Variants in ST3GAL2 observed in about 807,000 individuals in gnomAD.
The protein encoded by ST3GAL2 is CMP-N-acetylneuraminate-beta-galactosamide-alpha-2,3-sialyltransferase 2.
ST3GAL2 carries 16 observed loss-of-function variants against 37.5 expected under a neutral mutation model. The observed-to-expected ratio is 0.43, with a 90% CI of 0.29 to 0.65. The LOEUF is 0.65. ST3GAL2 is among the 30% of genes least tolerant of loss of function. The pLI is 0.17. For synonymous variants in ST3GAL2, 238 were observed against 202.9 expected, an observed-to-expected ratio of 1.17 and a Z score of -1.47; for missense variants, 383 against 487.8, an observed-to-expected ratio of 0.79 and a Z score of 2.02.
intron 2 of ST3GAL2, among the ~76,000 whole-genome samples, chr16:70,397,912 C>G (rs1179291975): frequency 6.6e-6 from 1 of 152,208 alleles, no homozygotes; most frequent in Non-Finnish European, 1.5e-5. Context: ...GCAGGCCCCC[C>G]ATGGCTGTAC....
chr16:70,388,201 G>C (rs1485488066), intron 4 of ST3GAL2, among the ~76,000 whole-genome samples, 166 bp downstream of exon 4: 1 of 151,260 alleles, frequency 6.6e-6, no homozygotes, highest in African/African-American at 2.4e-5. Flanking sequence ...AGGTGACACA[G>C]AGCAAGCTGT....
chr16:70,428,494 T>C (rs2047766652), intron 1 of ST3GAL2, among the ~76,000 whole-genome samples: 1 of 152,200 alleles, frequency 6.6e-6, no homozygotes, highest in African/African-American at 2.4e-5. Context: ...AGCACAATTC[T>C]TTGTGACCAG....
At chr16:70,427,237 T>C (rs995115436) in intron 1 of ST3GAL2, among the ~76,000 whole-genome samples, 2 of 152,100 alleles carry the variant, frequency 1.3e-5, no homozygotes, top group Non-Finnish European at 2.9e-5. Context: ...CTTTAGACAG[T>C]ATACCTTAGT....
chr16:70,393,790 T>G (rs983697633), intron 3 of ST3GAL2: 2 of 152,142 alleles, frequency 1.3e-5, no homozygotes, highest in Non-Finnish European at 2.9e-5. Context: ...ATGAGGAAGG[T>G]CTTACATGGA....
rs570469855 is a variant in ST3GAL2 at position 70,409,886 on chromosome 16, C to G, written c.-1003-10353G>C. Among the ~76,000 whole-genome samples the G allele has an allele frequency of 7.9e-5, 12 of 151,208 alleles. No homozygotes were observed. The South Asian group carries it at 2.1e-3, about 26-fold the overall frequency. ...TGGACTTGAACTCTCAGACTCCTGC[C>G]TCAGCCTCCCAAGTAGCTGGGACTA... On this transcript the variant is annotated intron_variant, in intron 1 of 6. Coordinates refer to ENST00000342907, the MANE Select transcript of ST3GAL2 (RefSeq NM_006927.4).
chr16:70,403,027 T>C (rs2047566491), intron 1 of ST3GAL2, among the ~76,000 whole-genome samples: 2 of 152,240 alleles, frequency 1.3e-5, no homozygotes, highest in African/African-American at 4.8e-5. Flanking sequence ...ATGCATTTCG[T>C]AGTAAAATCT....
intron 3 of ST3GAL2, among the ~76,000 whole-genome samples, chr16:70,392,157 G>T (rs992346626): frequency 1.1e-4 from 16 of 152,324 alleles, no homozygotes; most frequent in African/African-American, 3.6e-4. Flanking sequence ...TTTCCCCATG[G>T]TTGGCCAGAT....
rs748494799 is a variant in ST3GAL2, at chr16:70,398,272, T to C, written c.259A>G (p.Ser87Gly). Reference sequence around the variant, plus strand: ...GGGGAAATGTTACCGTCAAAGTGGCTGTCAAACCAGTCGGAGGCACCGGCA... The same window carrying C: ...GGGGAAATGTTACCGTCAAAGTGGCCGTCAAACCAGTCGGAGGCACCGGCA... ...GDAGASDWFD[S>G]HFDGNISPVW... is the part of the protein sequence containing the mutation. The change falls in exon 2 of 7, where the codon AGC becomes GGC. Residue 87 changes from serine to glycine, a missense_variant. Coordinates refer to ENST00000342907, the MANE Select transcript of ST3GAL2 (RefSeq NM_006927.4). 3.1e-6 allele frequency: 5 copies of C among 1,613,362 alleles called. No individual in the cohort carries two copies. The highest frequency in any genetic ancestry group is 3.4e-6 in the Non-Finnish European group (4 of 1,180,034).
At chr16:70,415,505 A>G (rs1170706823) in intron 1 of ST3GAL2, among the ~76,000 whole-genome samples, 1 of 151,148 alleles carries the variant, frequency 6.6e-6, no homozygotes, top group African/African-American at 2.5e-5. Flanking sequence ...AAGTTAACGG[A>G]CAAACAACCC....
chr16:70,426,975 G>A (rs1163802549), intron 1 of ST3GAL2, among the ~76,000 whole-genome samples: 2 of 152,006 alleles, frequency 1.3e-5, no homozygotes, highest in African/African-American at 2.4e-5. Context: ...AGCCTCCCGA[G>A]TAGCCGGGAC....
rs1209536830 is a variant in ST3GAL2 at position 70,376,961 on chromosome 16, T to G, written c.*4728A>C. 1 of 151,142 alleles carries G rather than the reference T, an allele frequency of 6.6e-6. No individual in the cohort carries two copies. The highest frequency in any genetic ancestry group is 2.0e-4 in the East Asian group (1 of 5,010). 9.4% of individuals were successfully genotyped at this position (151,142 alleles called of 1,614,324 possible). On this transcript the variant is annotated 3_prime_UTR_variant, in exon 7 of 7. Coordinates refer to ENST00000342907, the MANE Select transcript of ST3GAL2 (RefSeq NM_006927.4). The stretch of plus-strand genomic sequence containing the variant: ...TTTCACCATCTTGGCCAGGCTGGTC[T>G]TGAACTCCTGACCTCGTGATTCACC...
chr16:70,416,285 C>T (rs1358353464), intron 1 of ST3GAL2, among the ~76,000 whole-genome samples: 1 of 152,174 alleles, frequency 6.6e-6, no homozygotes, highest in African/African-American at 2.4e-5. Context: ...TTCAGAGATG[C>T]CCAAACCAGG....
intron 1 of ST3GAL2, chr16:70,400,099 GGT>G (rs2151664684): frequency 6.5e-6 from 1 of 152,740 alleles, no homozygotes; most frequent in South Asian, 2.1e-4. Context: ...TGTGTCAGGA[GGT>G]GTGGTTGCTG....
At chr16:70,436,859 T>C (rs1181350351) in intron 1 of ST3GAL2, among the ~76,000 whole-genome samples, 1 of 152,034 alleles carries the variant, frequency 6.6e-6, no homozygotes, top group Non-Finnish European at 1.5e-5. Context: ...ATGGCCAAAA[T>C]AAGGCAGGAT....
rs2047533728 is a variant in ST3GAL2, at chr16:70,398,552, G to A, written c.-22C>T. On this transcript the variant is annotated 5_prime_UTR_variant, in exon 2 of 7. Transcript: ENST00000342907. ...TCATGGTGCCGGCAGGCGGGTGACG[G>A]TCACCGTGGCCACTCTTTTCCCAGC... 1.3e-6 allele frequency: 2 copies of A among 1,559,544 alleles called. No homozygotes were observed.
In ST3GAL2 at chr16:70,427,402, G is replaced by T. The variant is rs551518383; in HGVS notation, c.-1004+11547C>A. On this transcript the variant is annotated intron_variant, in intron 1 of 6. Transcript: ENST00000342907. ...CGCCCAGGCTGGAGTGCAGTGGTGC[G>T]ATCTCGGCTCACTGCAACCTCCACC... Among the ~76,000 whole-genome samples, 1,163 of 148,366 alleles carry T rather than the reference G, an allele frequency of 7.8e-3. 7 individuals carry two copies. The highest frequency in any genetic ancestry group is 0.013 in the Non-Finnish European group (870 of 67,334).
chr16:70,427,243 T>C (rs2047757695), intron 1 of ST3GAL2, among the ~76,000 whole-genome samples: 1 of 152,108 alleles, frequency 6.6e-6, no homozygotes, highest in South Asian at 2.1e-4. Flanking sequence ...ACAGTATACC[T>C]TAGTAGAGGT....
At chr16:70,396,788 G>C (rs1376632090) in intron 2 of ST3GAL2, among the ~76,000 whole-genome samples, 1 of 152,132 alleles carries the variant, frequency 6.6e-6, no homozygotes, top group East Asian at 1.9e-4. Context: ...CTCCACCCAT[G>C]ACATGTGTGG....
intron 1 of ST3GAL2, among the ~76,000 whole-genome samples, chr16:70,405,753 T>C (rs2047587029): frequency 6.6e-6 from 1 of 151,726 alleles, no homozygotes; most frequent in Non-Finnish European, 1.5e-5. Flanking sequence ...AAATTGTTTG[T>C]GGTGAATAGG....
Sources: gnomAD v4.1 joint callset for allele counts (sites outside exome capture counted in the v4.1 genomes callset) on GRCh38, gnomAD v4.1.1 for gene constraint, MANE v1.5 for transcripts, NCBI Gene and HGNC (gene_info 2026-07-23, HGNC 2026-07-21) for gene names.